The following SAXO1 variants were observed in gnomAD, a reference collection of about 807,000 sequenced individuals.
The protein encoded by SAXO1 is stabilizer of axonemal microtubules 1, also known as 4930500O09Rik.
In SAXO1, 21 loss-of-function variants were observed where a neutral mutation model predicts 17.5. The observed-to-expected ratio is 1.20, with a 90% CI of 0.85 to 1.72. The LOEUF is 1.72. Among genes scored for constraint, SAXO1 ranks in the 40% most tolerant of loss-of-function variants. The pLI, the probability that SAXO1 is intolerant of heterozygous loss-of-function variation, is 0.00. For missense variants in SAXO1, 843 were observed against 596.0 expected (o/e 1.41, Z -4.32); for synonymous variants, 274 against 216.5 (o/e 1.27, Z -2.33).
intron 1 of SAXO1, among the ~76,000 whole-genome samples, chr9:18,962,758 G>C (rs921165494): frequency 2.0e-5 from 3 of 152,204 alleles, no homozygotes; most frequent in African/African-American, 7.2e-5. Context: ...TAGGTTGCCT[G>C]TTCACTCTAA....
intron 1 of SAXO1, among the ~76,000 whole-genome samples, chr9:19,008,125 C>T (rs1000963073): frequency 1.3e-5 from 2 of 152,026 alleles, no homozygotes; most frequent in East Asian, 1.9e-4. Flanking sequence ...CAGGTGCATG[C>T]CATCACACCT....
chr9:19,027,596 C>G (rs1258242177), intron 1 of SAXO1: 3 of 1,428,122 alleles, frequency 2.1e-6, no homozygotes, highest in East Asian at 4.6e-5. Context: ...GACTGGCCCC[C>G]AGCTGGTGCA....
At chr9:18,940,238 G>C (rs1015935286) in intron 3 of SAXO1, among the ~76,000 whole-genome samples, 8 of 152,230 alleles carry the variant, frequency 5.3e-5, no homozygotes, top group Non-Finnish European at 2.9e-5. Context: ...ACAGGATGCC[G>C]ATGTGCACAA....
At chr9:19,047,244 G>C (rs1836239132) in intron 1 of SAXO1, among the ~76,000 whole-genome samples, 1 of 151,444 alleles carries the variant, frequency 6.6e-6, no homozygotes, top group Non-Finnish European at 1.5e-5. Flanking sequence ...GAGGCCTGTA[G>C]TCCCAGCTAC....
intron 1 of SAXO1, chr9:19,026,877 A>G: frequency 1.4e-6 from 1 of 698,862 alleles, no homozygotes; most frequent in Non-Finnish European, 2.7e-6. Context: ...AAAAATTCAA[A>G]AACTAGAAAA....
chr9:18,938,551 C>T (rs1259480013), intron 3 of SAXO1, among the ~76,000 whole-genome samples: 1 of 151,980 alleles, frequency 6.6e-6, no homozygotes, highest in Non-Finnish European at 1.5e-5. Flanking sequence ...GCTAAACCAT[C>T]AAAAACCGCC....
chr9:19,037,831 T>C (rs1039424731), upstream of SAXO1, among the ~76,000 whole-genome samples: 4 of 152,146 alleles, frequency 2.6e-5, no homozygotes, highest in African/African-American at 9.7e-5. Context: ...CTCTCATCTG[T>C]CTCTTACAAC....
In SAXO1 at chr9:18,927,925, G is replaced by C. The variant is rs1018917875; in HGVS notation, c.*127C>G. ...ATTCTCATTTTATTCAAGTGCTCTG[G>C]AAGTGGTGAAGGTTTTTTGTTTTTT... On this transcript the variant is annotated 3_prime_UTR_variant, in exon 4 of 4. Transcript: ENST00000380534. The C allele has an allele frequency of 8.9e-6, 9 of 1,009,528 alleles. No individual in the cohort carries two copies. Among genetic ancestry groups the C allele is most frequent in the Non-Finnish European group, 1.1e-5 (8 of 698,158 alleles). 62.5% of individuals were successfully genotyped at this position (1,009,528 alleles called of 1,614,324 possible). A position where few individuals can be genotyped will look rare whatever the true frequency, so the allele number is the denominator to read the frequency against.
chr9:18,950,913 A>T lies in SAXO1; in HGVS notation c.63T>A (p.Pro21=). 6.2e-7 allele frequency: 1 copy of T among 1,612,962 alleles called. No homozygotes were observed. Among genetic ancestry groups the T allele is most frequent in the African/African-American group, 1.3e-5 (1 of 75,006 alleles). ...TCTCTGTTTTATCATAAATCTTGGT[A>T]GGGAGATGTGGACAGTGATGCCGCC... is the stretch of plus-strand genomic sequence containing the variant. ...SCGRHHCPHL[P]TKIYDKTEKP... Residue 21 remains proline (P), a synonymous_variant, in exon 2 of 4, where the codon CCT becomes CCA. Transcript: ENST00000380534.
chr9:19,035,698 G>T (rs150432321), upstream of SAXO1, among the ~76,000 whole-genome samples: 428 of 152,316 alleles, frequency 2.8e-3, 1 homozygote, highest in African/African-American at 9.6e-3. Flanking sequence ...AGTCCAGGCT[G>T]AGGTGGTCTC....
At chr9:18,958,607 A>C (rs1243912348) in intron 1 of SAXO1, among the ~76,000 whole-genome samples, 5 of 152,078 alleles carry the variant, frequency 3.3e-5, no homozygotes, top group Non-Finnish European at 7.3e-5. Flanking sequence ...TCGCTGCCTG[A>C]GTGCCACGCT....
Position 18,928,148 on chromosome 9 carries a change from G to A in SAXO1, c.1329C>T (p.Tyr443=), listed in dbSNP as rs1830844140. The A allele has an allele frequency of 6.2e-7, 1 of 1,614,086 alleles. No individual in the cohort carries two copies. The highest frequency in any genetic ancestry group is 1.3e-5 in the African/African-American group (1 of 74,934). ...EEVDALGHRI[Y]KPVSQAGSQQ... Reference sequence around the variant, plus strand: ...GAGAGCCTGCCTGGGAAACTGGTTTGTATATCCTGTGACCCAAAGCATCCA... The same window carrying A: ...GAGAGCCTGCCTGGGAAACTGGTTTATATATCCTGTGACCCAAAGCATCCA... Residue 443 remains tyrosine (Y), a synonymous_variant, in exon 4 of 4, where the codon TAC becomes TAT. Transcript: ENST00000380534.
At chr9:19,047,545 T>C (rs563587970) in intron 1 of SAXO1, among the ~76,000 whole-genome samples, 1 of 151,934 alleles carries the variant, frequency 6.6e-6, no homozygotes, top group South Asian at 2.1e-4. Flanking sequence ...ACAATGCAAA[T>C]TTGGGCTCAA....
At chr9:18,956,034 G>A (rs10118790) in intron 1 of SAXO1, among the ~76,000 whole-genome samples, 36,348 of 150,978 alleles carry the variant, frequency 0.24, 8,169 homozygotes, top group African/African-American at 0.6. Context: ...CAAAATTCCT[G>A]GGCTCAAGCA....
intron 1 of SAXO1, among the ~76,000 whole-genome samples, chr9:18,983,315 C>G (rs1410312998): frequency 1.3e-5 from 2 of 152,030 alleles, no homozygotes; most frequent in Non-Finnish European, 1.5e-5. Flanking sequence ...CTGCCAAACA[C>G]TTTTAAAGCA....
At chr9:19,018,220 T>C (rs1835073841) in intron 1 of SAXO1, among the ~76,000 whole-genome samples, 1 of 152,004 alleles carries the variant, frequency 6.6e-6, no homozygotes, top group Non-Finnish European at 1.5e-5. Context: ...ATTCTCCATG[T>C]TTTTGTTTTT....
At chr9:19,019,800 A>C (rs1835148050) in intron 1 of SAXO1, among the ~76,000 whole-genome samples, 1 of 152,152 alleles carries the variant, frequency 6.6e-6, no homozygotes, top group Admixed American at 6.5e-5. Flanking sequence ...AAAATTCTTT[A>C]TTAGTATTGA....
chr9:19,004,058 C>G (rs984090065), intron 1 of SAXO1, among the ~76,000 whole-genome samples: 3 of 152,156 alleles, frequency 2.0e-5, no homozygotes, highest in Admixed American at 6.5e-5. Context: ...ACAACCCCAT[C>G]AAAAAGCAGG....
upstream of SAXO1, among the ~76,000 whole-genome samples, chr9:19,038,128 G>A (rs1197044581): frequency 1.3e-5 from 2 of 152,188 alleles, no homozygotes; most frequent in Non-Finnish European, 2.9e-5. Flanking sequence ...AGAGGATGTG[G>A]AGAAACAGGG....
Sources: gnomAD v4.1 joint callset for allele counts (sites outside exome capture counted in the v4.1 genomes callset) on GRCh38, gnomAD v4.1.1 for gene constraint, MANE v1.5 for transcripts, NCBI Gene and HGNC (gene_info 2026-07-23, HGNC 2026-07-21) for gene names.